The following CABCOCO1 variants were observed in gnomAD, a reference collection of about 807,000 sequenced individuals.
CABCOCO1 encodes ciliary associated calcium binding coiled-coil 1, also known as ciliary-associated calcium-binding coiled-coil protein 1.
CABCOCO1 carries 28 observed loss-of-function variants against 35.7 expected under a neutral mutation model. The observed-to-expected ratio is 0.78, with a 90% CI of 0.58 to 1.07. The LOEUF (loss-of-function observed/expected upper bound fraction) is 1.07, where lower values mean the gene tolerates loss of function less well. CABCOCO1 is among the 50% of genes least tolerant of loss of function. The pLI, the probability that CABCOCO1 is intolerant of heterozygous loss-of-function variation, is 0.00. For synonymous variants in CABCOCO1, 95 were observed against 100.1 expected (o/e 0.95, Z 0.30); for missense variants, 326 against 309.2 (o/e 1.05, Z -0.41).
rs563471903 is a variant in CABCOCO1, at chr10:61,751,421, G to A, written c.553-8638G>A. The stretch of plus-strand genomic sequence containing the variant: ...GGTGCCCCCAATGAGTTTTATGGCT[G>A]ACTTAATGTTAGGGACAAGGGAGAG... On this transcript the variant is annotated intron_variant, in intron 5 of 7. Coordinates refer to ENST00000648843, the MANE Select transcript of CABCOCO1 (RefSeq NM_001366906.2). Among the ~76,000 whole-genome samples, 108 of 152,048 alleles carry A rather than the reference G, an allele frequency of 7.1e-4. 1 individual carries two copies. The highest frequency in any genetic ancestry group is 2.4e-3 in the African/African-American group (101 of 41,494).
intron 5 of CABCOCO1, among the ~76,000 whole-genome samples, chr10:61,702,576 A>C (rs1840486244): frequency 6.6e-6 from 1 of 152,176 alleles, no homozygotes; most frequent in African/African-American, 2.4e-5. Flanking sequence ...TAAGTCAACC[A>C]AGACTCTAGG....
intron 5 of CABCOCO1, among the ~76,000 whole-genome samples, chr10:61,704,172 C>A (rs1423540449): frequency 6.6e-6 from 1 of 152,126 alleles, no homozygotes; most frequent in Non-Finnish European, 1.5e-5. Context: ...TGCAGGGAGC[C>A]GAGATAGTGC....
intron 5 of CABCOCO1, among the ~76,000 whole-genome samples, chr10:61,730,409 C>A: frequency 6.6e-6 from 1 of 151,764 alleles, no homozygotes; most frequent in African/African-American, 2.4e-5. Flanking sequence ...TAAAGCACTA[C>A]AGTTATGAAT....
chr10:61,695,423 T>C (rs1052560666), intron 5 of CABCOCO1, among the ~76,000 whole-genome samples: 1 of 151,970 alleles, frequency 6.6e-6, no homozygotes, highest in African/African-American at 2.4e-5. Flanking sequence ...AATGAGAAGA[T>C]AGAAGTCACA....
chr10:61,743,823 A>G (rs1341560107), intron 5 of CABCOCO1, among the ~76,000 whole-genome samples: 1 of 152,066 alleles, frequency 6.6e-6, no homozygotes, highest in Non-Finnish European at 1.5e-5. Flanking sequence ...CTCAAGCACC[A>G]TCTCTCTTTT....
intron 1 of CABCOCO1, among the ~76,000 whole-genome samples, chr10:61,668,081 G>A (rs1314099711): frequency 4.0e-5 from 6 of 151,468 alleles, no homozygotes; most frequent in Non-Finnish European, 8.9e-5. Context: ...CTTAGTAAGT[G>A]CCTGTTTATT....
At chr10:61,691,373 C>A (rs202100650) in intron 5 of CABCOCO1, among the ~76,000 whole-genome samples, 1 of 152,130 alleles carries the variant, frequency 6.6e-6, no homozygotes, top group Non-Finnish European at 1.5e-5. Context: ...CATAGGACAG[C>A]AGTTCTACAA....
intron 5 of CABCOCO1, among the ~76,000 whole-genome samples, chr10:61,735,236 T>C (rs1214986754): frequency 6.6e-6 from 1 of 152,020 alleles, no homozygotes. Flanking sequence ...AAAGAGAATG[T>C]GTGGGGCTCA....
intron 5 of CABCOCO1, among the ~76,000 whole-genome samples, chr10:61,718,442 T>C (rs561332190): frequency 6.6e-6 from 1 of 152,320 alleles, no homozygotes; most frequent in Admixed American, 6.5e-5. Flanking sequence ...TTATGAATTG[T>C]TTGTAAAAAG....
intron 5 of CABCOCO1, among the ~76,000 whole-genome samples, chr10:61,753,163 T>C (rs1256168765): frequency 6.6e-6 from 1 of 152,134 alleles, no homozygotes; most frequent in Non-Finnish European, 1.5e-5. Context: ...TAATATGTAA[T>C]GAAAATGCAA....
chr10:61,669,109 T>C (rs1839281723), intron 1 of CABCOCO1, among the ~76,000 whole-genome samples: 1 of 151,806 alleles, frequency 6.6e-6, no homozygotes, highest in Non-Finnish European at 1.5e-5. Context: ...TAAACTTTGG[T>C]GAAATCTGTT....
chr10:61,763,054 T>C (rs1395364549), intron 7 of CABCOCO1, among the ~76,000 whole-genome samples: 4 of 152,096 alleles, frequency 2.6e-5, no homozygotes, highest in Admixed American at 2.6e-4. Context: ...GGTCAGTGTA[T>C]ATATGCTATT....
chr10:61,718,509 TA>T (rs1166759498), intron 5 of CABCOCO1, among the ~76,000 whole-genome samples: 1 of 152,304 alleles, frequency 6.6e-6, no homozygotes, highest in South Asian at 2.1e-4. Flanking sequence ...TAATTTTCCC[TA>T]AAGATATTAT....
chr10:61,683,019 T>G (rs1330304592), intron 3 of CABCOCO1, among the ~76,000 whole-genome samples: 1 of 151,670 alleles, frequency 6.6e-6, no homozygotes, highest in Non-Finnish European at 1.5e-5. Context: ...GCCTTCCAAG[T>G]AGCTGGGACT....
intron 2 of CABCOCO1, among the ~76,000 whole-genome samples, chr10:61,675,298 A>C (rs900111028): frequency 6.6e-6 from 1 of 152,204 alleles, no homozygotes; most frequent in Admixed American, 6.5e-5. Flanking sequence ...TTTGCATTCA[A>C]ACCATAGCAA....
intron 5 of CABCOCO1, among the ~76,000 whole-genome samples, chr10:61,697,843 A>C (rs749152379): frequency 1.3e-5 from 2 of 152,118 alleles, no homozygotes; most frequent in Non-Finnish European, 2.9e-5. Flanking sequence ...CATAGGAAAA[A>C]ATACGTGAAC....
chr10:61,735,776 C>T (rs1841401910), intron 5 of CABCOCO1, among the ~76,000 whole-genome samples: 2 of 152,114 alleles, frequency 1.3e-5, no homozygotes, highest in African/African-American at 4.8e-5. Flanking sequence ...TGAAGAAGTG[C>T]TCACAATTCT....
chr10:61,732,747 G>A (rs1048362382), intron 5 of CABCOCO1, among the ~76,000 whole-genome samples: 1 of 151,942 alleles, frequency 6.6e-6, no homozygotes, highest in African/African-American at 2.4e-5. Context: ...AAATAATAAG[G>A]CAAGGCTCAC....
At chr10:61,722,926 A>G (rs1841057731) in intron 5 of CABCOCO1, among the ~76,000 whole-genome samples, 1 of 152,220 alleles carries the variant, frequency 6.6e-6, no homozygotes, top group African/African-American at 2.4e-5. Flanking sequence ...GAATTTTTAA[A>G]GCTTCAAATA....
Sources: gnomAD v4.1 joint callset for allele counts (sites outside exome capture counted in the v4.1 genomes callset) on GRCh38, gnomAD v4.1.1 for gene constraint, MANE v1.5 for transcripts, NCBI Gene and HGNC (gene_info 2026-07-23, HGNC 2026-07-21) for gene names.